Variants in GLIS3 observed in about 807,000 individuals in gnomAD.
GLIS3 encodes zinc finger protein GLIS3.
Under a neutral mutation model 78.6 loss-of-function variants are expected in GLIS3, and 53 were observed. The observed-to-expected ratio is 0.67, with a 90% CI of 0.54 to 0.85. GLIS3 has a LOEUF of 0.85. Among genes scored for constraint, GLIS3 ranks in the 40% least tolerant of loss-of-function variants. GLIS3 has a pLI of 0.00. For synonymous variants in GLIS3, 684 were observed against 509.9 expected (o/e 1.34, Z -4.60); for missense variants, 1,703 against 1,231.1 (o/e 1.38, Z -5.74).
chr9:4,443,289 A>G, the GLIS3 span, among the ~76,000 whole-genome samples: 1 of 152,200 alleles, frequency 6.6e-6, no homozygotes, highest in Non-Finnish European at 1.5e-5. Flanking sequence ...TTTCTGATAA[A>G]TAAGGACTTT....
chr9:4,177,633 T>C (rs1055609865), intron 2 of GLIS3, among the ~76,000 whole-genome samples: 6 of 152,212 alleles, frequency 3.9e-5, no homozygotes, highest in African/African-American at 1.4e-4. Flanking sequence ...TTTTAGCTTC[T>C]ATGAAACCAA....
chr9:4,155,106 T>C (rs1487672631), intron 2 of GLIS3, among the ~76,000 whole-genome samples: 8 of 152,230 alleles, frequency 5.3e-5, no homozygotes, highest in Admixed American at 4.6e-4. Context: ...AAAGTACTTG[T>C]AGATAAGTTT....
chr9:4,146,663 A>C (rs953154943), intron 2 of GLIS3, among the ~76,000 whole-genome samples: 2 of 152,258 alleles, frequency 1.3e-5, no homozygotes, highest in Non-Finnish European at 2.9e-5. Flanking sequence ...CGATCCACTC[A>C]GCAGTGAATT....
At chr9:3,870,832 C>G (rs1820925806) in intron 8 of GLIS3, among the ~76,000 whole-genome samples, 1 of 152,238 alleles carries the variant, frequency 6.6e-6, no homozygotes, top group African/African-American at 2.4e-5. Context: ...CTCATGTCCT[C>G]ACATTTCAAA....
At chr9:4,345,159 C>G (rs911641199) in intron 2 of GLIS3, among the ~76,000 whole-genome samples, 3 of 152,172 alleles carry the variant, frequency 2.0e-5, no homozygotes, top group African/African-American at 7.2e-5. Flanking sequence ...CACAATCTGA[C>G]TCATCCTTTC....
intron 4 of GLIS3, among the ~76,000 whole-genome samples, chr9:4,104,692 T>C (rs1830623560): frequency 1.3e-5 from 2 of 152,200 alleles, no homozygotes; most frequent in African/African-American, 4.8e-5. Flanking sequence ...CTTGGACTCC[T>C]TGATGTTTCT....
intron 9 of GLIS3, among the ~76,000 whole-genome samples, chr9:3,855,120 G>C (rs1008396726): frequency 1.8e-4 from 27 of 152,194 alleles, no homozygotes; most frequent in Admixed American, 1.2e-3. Context: ...AAAAGCCTGT[G>C]ACAGTTCAAA....
At chr9:4,084,200 GC>G (rs1828801960) in intron 4 of GLIS3, among the ~76,000 whole-genome samples, 1 of 151,170 alleles carries the variant, frequency 6.6e-6, no homozygotes, top group South Asian at 2.1e-4. Flanking sequence ...CAAACCAACA[GC>G]AGAGTGATAT....
the GLIS3 span, among the ~76,000 whole-genome samples, chr9:4,471,961 C>CT: frequency 3.9e-4 from 60 of 152,298 alleles, no homozygotes; most frequent in African/African-American, 1.3e-3. Context: ...TGAACAGACA[C>CT]TTTTCAAAAG....
chr9:4,245,271 G>T (rs74609341), intron 2 of GLIS3, among the ~76,000 whole-genome samples: 2,534 of 152,272 alleles, frequency 0.017, 41 homozygotes, highest in Admixed American at 0.029. Flanking sequence ...TTTCAGAGAA[G>T]AGACTGTTGT....
chr9:4,216,070 T>C (rs762072222), intron 2 of GLIS3, among the ~76,000 whole-genome samples: 140 of 152,274 alleles, frequency 9.2e-4, no homozygotes, highest in Admixed American at 2.0e-4. Flanking sequence ...TGACTACATA[T>C]ACTCAGAGAA....
chr9:3,867,545 A>C (rs1820667691), intron 8 of GLIS3, among the ~76,000 whole-genome samples: 1 of 152,218 alleles, frequency 6.6e-6, no homozygotes. Flanking sequence ...AAGTACCAGA[A>C]ATTTTCCATA....
At chr9:4,010,605 C>T (rs1161503781) in intron 4 of GLIS3, among the ~76,000 whole-genome samples, 1 of 152,166 alleles carries the variant, frequency 6.6e-6, no homozygotes, top group Non-Finnish European at 1.5e-5. Context: ...TTTGCCTCAG[C>T]TTCCAGACTT....
chr9:4,070,821 C>T (rs1172882892), intron 4 of GLIS3: 2 of 152,110 alleles, frequency 1.3e-5, no homozygotes, highest in Admixed American at 6.6e-5. Context: ...TACAAGAATG[C>T]TTTTTACAGT....
intron 4 of GLIS3, among the ~76,000 whole-genome samples, chr9:4,007,945 C>T (rs1426001063): frequency 6.6e-6 from 1 of 151,570 alleles, no homozygotes; most frequent in Non-Finnish European, 1.5e-5. Flanking sequence ...ATAGCTTGGG[C>T]CCTTGAGCCC....
At chr9:3,881,056 T>C (rs1297980181) in intron 7 of GLIS3, among the ~76,000 whole-genome samples, 1 of 152,188 alleles carries the variant, frequency 6.6e-6, no homozygotes, top group African/African-American at 2.4e-5. Flanking sequence ...AGTCACCTTA[T>C]GAATCACTAA....
At chr9:4,183,694 T>G (rs1817528472) in intron 2 of GLIS3, among the ~76,000 whole-genome samples, 1 of 152,198 alleles carries the variant, frequency 6.6e-6, no homozygotes, top group South Asian at 2.1e-4. Context: ...TCTTACAAAA[T>G]TTAAAAAATA....
At chr9:3,987,761 C>CAAAAAAAAAAA (rs60986898) in intron 4 of GLIS3, among the ~76,000 whole-genome samples, 2 of 10,460 alleles carry the variant, frequency 1.9e-4, no homozygotes, top group African/African-American at 3.5e-4. Flanking sequence ...CTGGATTTGG[C>CAAAAAAAAAAA]AAAAAAAAAA....
At chr9:3,855,982 T>C (rs779869698) in intron 9 of GLIS3, 27 bp downstream of exon 9, 1 of 1,613,434 alleles carries the variant, frequency 6.2e-7, no homozygotes, top group Non-Finnish European at 8.5e-7. Context: ...TTTTCAAAAC[T>C]CAAGGGACTG....
Sources: allele counts gnomAD v4.1 joint callset (sites outside exome capture counted in the v4.1 genomes callset), GRCh38; gene constraint gnomAD v4.1.1; transcripts MANE v1.5; gene names NCBI Gene and HGNC (gene_info 2026-07-23, HGNC 2026-07-21).